Variants in RANBP2 observed in about 807,000 individuals in gnomAD.
The protein encoded by RANBP2 is E3 SUMO-protein ligase RanBP2.
RANBP2 carries 57 observed loss-of-function variants against 303.6 expected under a neutral mutation model. That is an observed-to-expected ratio of 0.19 (90% CI 0.15 to 0.23). RANBP2 has a LOEUF of 0.23. Ranked by LOEUF, RANBP2 falls within the 10% of genes least tolerant of loss-of-function variation. The pLI, the probability that RANBP2 is intolerant of heterozygous loss-of-function variation, is 1.00. For missense variants in RANBP2, 3,138 were observed against 3,780.8 expected (o/e 0.83, Z 4.46); for synonymous variants, 1,167 against 1,301.5 (o/e 0.90, Z 2.23).
At chr2:108,843,847 TGTGTG>T in the RANBP2 span, among the ~76,000 whole-genome samples, 4 of 8,026 alleles carry the variant, frequency 5.0e-4, no homozygotes, top group Admixed American at 3.6e-3. Context: ...TCATGTTTTG[TGTGTG>T]TGTGTGTGTG....
chr2:109,268,065 C>T, the RANBP2 span, among the ~76,000 whole-genome samples: 1 of 151,754 alleles, frequency 6.6e-6, no homozygotes, highest in Non-Finnish European at 1.5e-5. Context: ...CAGACTGTCC[C>T]CTAATCCCAC....
chr2:109,521,103 G>A, the RANBP2 span, among the ~76,000 whole-genome samples: 2 of 151,996 alleles, frequency 1.3e-5, no homozygotes, highest in Admixed American at 1.3e-4. Context: ...TGTAGTCCCA[G>A]CTACTCGGAG....
the RANBP2 span, among the ~76,000 whole-genome samples, chr2:109,306,750 A>G: frequency 6.6e-6 from 1 of 152,210 alleles, no homozygotes; most frequent in Admixed American, 6.5e-5. Flanking sequence ...TGATTCCACT[A>G]GGGGATGGTG....
At chr2:109,012,374 C>G in the RANBP2 span, among the ~76,000 whole-genome samples, 2 of 152,176 alleles carry the variant, frequency 1.3e-5, no homozygotes, top group African/African-American at 2.4e-5. Context: ...GTGGCTCTGT[C>G]TTCAGGCGTA....
At chr2:109,486,067 G>A in the RANBP2 span, among the ~76,000 whole-genome samples, 1 of 152,226 alleles carries the variant, frequency 6.6e-6, no homozygotes, top group Non-Finnish European at 1.5e-5. Context: ...GTGTGTCCCT[G>A]GCTGGGGGCA....
chr2:109,501,828 G>T, the RANBP2 span: 1 of 595,512 alleles, frequency 1.7e-6, no homozygotes, highest in Non-Finnish European at 3.0e-6. Flanking sequence ...CAGGGACTGT[G>T]GAGGTCGTGC....
the RANBP2 span, among the ~76,000 whole-genome samples, chr2:109,611,778 T>G: frequency 6.6e-6 from 1 of 152,248 alleles, no homozygotes; most frequent in East Asian, 1.9e-4. Flanking sequence ...AAAATCACCA[T>G]GAGGTGTCAC....
the RANBP2 span, among the ~76,000 whole-genome samples, chr2:109,507,733 C>G: frequency 6.6e-6 from 1 of 152,174 alleles, no homozygotes; most frequent in African/African-American, 2.4e-5. Flanking sequence ...TGTCCAGGGC[C>G]CATCATTTGA....
the RANBP2 span, among the ~76,000 whole-genome samples, chr2:109,046,240 G>T: frequency 1.3e-5 from 2 of 149,750 alleles, no homozygotes; most frequent in African/African-American, 4.9e-5. Context: ...GGAGGCGAAG[G>T]TTGCAGTGAC....
the RANBP2 span, among the ~76,000 whole-genome samples, chr2:109,033,895 G>T: frequency 0.035 from 5,189 of 150,086 alleles, 292 homozygotes; most frequent in African/African-American, 0.12. Context: ...GGCAGAGGCT[G>T]CAGTGAGCCG....
the RANBP2 span, among the ~76,000 whole-genome samples, chr2:109,698,333 G>A: frequency 1.3e-5 from 2 of 151,612 alleles, no homozygotes; most frequent in African/African-American, 4.8e-5. Flanking sequence ...AGGTGTGGTG[G>A]CATGAGCCTG....
the RANBP2 span, among the ~76,000 whole-genome samples, chr2:109,194,322 C>G: frequency 6.6e-6 from 1 of 152,236 alleles, no homozygotes; most frequent in African/African-American, 2.4e-5. Context: ...AAAGCTTGGG[C>G]TGCGGTGTCC....
chr2:108,790,313 C>T (rs1679696705), downstream of RANBP2, among the ~76,000 whole-genome samples: 1 of 152,050 alleles, frequency 6.6e-6, no homozygotes, highest in Non-Finnish European at 1.5e-5. Context: ...TGAGTTTTAT[C>T]ATTTTTTATA....
the RANBP2 span, chr2:109,490,815 G>A: frequency 1.3e-6 from 2 of 1,537,042 alleles, no homozygotes; most frequent in East Asian, 2.4e-5. Flanking sequence ...GGGTGCCATG[G>A]GGATGGAGCC....
the RANBP2 span, among the ~76,000 whole-genome samples, chr2:109,487,693 C>T: frequency 6.6e-6 from 1 of 152,186 alleles, no homozygotes; most frequent in Non-Finnish European, 1.5e-5. Flanking sequence ...TCCAGCTCCA[C>T]CATACCCCAC....
At chr2:109,058,415 A>T in the RANBP2 span, among the ~76,000 whole-genome samples, 2 of 152,136 alleles carry the variant, frequency 1.3e-5, no homozygotes, top group African/African-American at 4.8e-5. Flanking sequence ...CCGTGAGCTT[A>T]CCCCTAAAAC....
At chr2:109,076,512 T>C in the RANBP2 span, among the ~76,000 whole-genome samples, 1 of 150,458 alleles carries the variant, frequency 6.6e-6, no homozygotes, top group Non-Finnish European at 1.5e-5. Context: ...AAAATCCTAA[T>C]AATTCCATTT....
the RANBP2 span, among the ~76,000 whole-genome samples, chr2:109,558,482 T>C: frequency 9.9e-3 from 1,507 of 152,340 alleles, 33 homozygotes; most frequent in African/African-American, 0.035. Flanking sequence ...AAGAGATTAG[T>C]TAGGTTAATC....
the RANBP2 span, among the ~76,000 whole-genome samples, chr2:109,288,238 A>G: frequency 6.6e-6 from 1 of 152,246 alleles, no homozygotes; most frequent in African/African-American, 2.4e-5. Context: ...TCAAGAACAA[A>G]GAAAGTTAAA....
Sources: gnomAD v4.1 joint callset for allele counts (sites outside exome capture counted in the v4.1 genomes callset) on GRCh38, gnomAD v4.1.1 for gene constraint, MANE v1.5 for transcripts, NCBI Gene and HGNC (gene_info 2026-07-23, HGNC 2026-07-21) for gene names.